The following CAMTA1 variants were observed in gnomAD, a reference collection of about 807,000 sequenced individuals.
CAMTA1 encodes the protein calmodulin binding transcription activator 1.
A neutral mutation model predicts 170.9 loss-of-function variants in CAMTA1; 27 were observed. The observed-to-expected ratio is 0.16, with a 90% CI of 0.12 to 0.22. CAMTA1 has a LOEUF of 0.22. Among genes scored for constraint, CAMTA1 ranks in the 10% least tolerant of loss-of-function variants. The pLI is 1.00. For missense variants in CAMTA1, 1,619 were observed against 2,217.2 expected (o/e 0.73, Z 5.42); for synonymous variants, 833 against 891.5 (o/e 0.93, Z 1.17).
chr1:7,572,375 T>G (rs980030054), intron 6 of CAMTA1, among the ~76,000 whole-genome samples: 2 of 152,262 alleles, frequency 1.3e-5, no homozygotes, highest in African/African-American at 4.8e-5. Context: ...TGGCTTTTGT[T>G]GCACTTGTTT....
intron 4 of CAMTA1, among the ~76,000 whole-genome samples, chr1:7,116,976 A>G (rs1644371900): frequency 7.2e-6 from 1 of 139,532 alleles, no homozygotes; most frequent in African/African-American, 2.7e-5. Context: ...AGAAATAACT[A>G]CTTTTTTTTT....
chr1:7,145,824 C>T (rs1041606317), intron 4 of CAMTA1, among the ~76,000 whole-genome samples: 1 of 152,206 alleles, frequency 6.6e-6, no homozygotes, highest in South Asian at 2.1e-4. Context: ...GGGGAAGAGG[C>T]TGCCCTTCAG....
chr1:6,918,513 G>T lies in CAMTA1; in HGVS notation c.234+93303G>T, dbSNP rs1040880882. On this transcript the variant is annotated intron_variant, in intron 3 of 22. Transcript: ENST00000303635. This position sits in a 1 kb window ranked among gnomAD's most constrained non-coding sequence, Gnocchi z 4.0. ...CTCCCAATTGCATATAAATGTCTCGGCTTTACTGTACTATTTGTGCTTGAG... is the reference window on the plus strand; with the variant it reads ...CTCCCAATTGCATATAAATGTCTCGTCTTTACTGTACTATTTGTGCTTGAG... Among the ~76,000 whole-genome samples, 1 of 152,204 alleles carries T rather than the reference G, an allele frequency of 6.6e-6. No homozygotes were observed. The highest frequency in any genetic ancestry group is 1.5e-5 in the Non-Finnish European group (1 of 68,030).
chr1:7,128,814 C>T (rs1418904959), intron 4 of CAMTA1, among the ~76,000 whole-genome samples: 4 of 149,070 alleles, frequency 2.7e-5, no homozygotes, highest in African/African-American at 9.9e-5. Context: ...GCCACCACAC[C>T]CGATTAGCTC....
chr1:6,841,867 G>T (rs1357093484), intron 3 of CAMTA1, among the ~76,000 whole-genome samples: 2 of 152,124 alleles, frequency 1.3e-5, no homozygotes, highest in Admixed American at 6.5e-5. Flanking sequence ...CTTGCGCCTG[G>T]GTCAGTGGAC....
chr1:7,517,667 C>G (rs569187894), intron 6 of CAMTA1, among the ~76,000 whole-genome samples: 1 of 151,940 alleles, frequency 6.6e-6, no homozygotes, highest in African/African-American at 2.4e-5. Context: ...CAGGGGCTGA[C>G]GGCTGGGGCT....
chr1:7,496,333 G>A (rs970117048), intron 6 of CAMTA1, among the ~76,000 whole-genome samples: 3 of 152,208 alleles, frequency 2.0e-5, no homozygotes, highest in Non-Finnish European at 4.4e-5. Flanking sequence ...GGGTATGGGC[G>A]TGGCCTGCAG....
intron 6 of CAMTA1, among the ~76,000 whole-genome samples, chr1:7,575,994 G>A (rs12063690): frequency 0.02 from 3,019 of 152,092 alleles, 80 homozygotes; most frequent in African/African-American, 0.068. Context: ...CTCAGCACTG[G>A]GGCTCAGTTT....
At chr1:6,953,761 C>CT (rs543939742) in intron 3 of CAMTA1, among the ~76,000 whole-genome samples, 4,446 of 146,012 alleles carry the variant, frequency 0.03, 104 homozygotes, top group African/African-American at 0.069. Flanking sequence ...CAATTTTTTT[C>CT]TTTTTTTTTT....
chr1:7,138,262 G>A (rs1645657015), intron 4 of CAMTA1, among the ~76,000 whole-genome samples: 1 of 152,184 alleles, frequency 6.6e-6, no homozygotes, highest in Non-Finnish European at 1.5e-5. Context: ...AAAGTGCTGG[G>A]ATTCTAGGTG....
At chr1:7,383,780 G>T (rs367973939) in intron 5 of CAMTA1, among the ~76,000 whole-genome samples, 1 of 152,178 alleles carries the variant, frequency 6.6e-6, no homozygotes, top group South Asian at 2.1e-4. Context: ...ATGATGAGGA[G>T]GAGGATGAGG....
At chr1:7,276,303 A>ATATATATATATATTTTTT in intron 5 of CAMTA1, among the ~76,000 whole-genome samples, 3 of 24,224 alleles carry the variant, frequency 1.2e-4, no homozygotes, top group African/African-American at 6.0e-4. Flanking sequence ...ATATATATAT[A>ATATATATATATATTTTTT]TTTTTTTTTT....
chr1:7,102,019 ACACAACACACACACACACACACACACAC>A (rs1335784305), intron 4 of CAMTA1, among the ~76,000 whole-genome samples: 2 of 135,432 alleles, frequency 1.5e-5, no homozygotes, highest in African/African-American at 2.8e-5. Context: ...ATGCATAAAT[ACACAACACACACACACACACACACACAC>A]ACACACACAC....
intron 5 of CAMTA1, among the ~76,000 whole-genome samples, chr1:7,342,824 C>T (rs1445916901): frequency 2.0e-5 from 3 of 152,172 alleles, no homozygotes; most frequent in Non-Finnish European, 2.9e-5. Flanking sequence ...GTCTGGCTGG[C>T]CAGTGGGCAA....
intron 6 of CAMTA1, among the ~76,000 whole-genome samples, chr1:7,497,563 G>C (rs1045594828): frequency 1.3e-5 from 2 of 152,208 alleles, no homozygotes; most frequent in African/African-American, 4.8e-5. Context: ...ACACGTTCCT[G>C]GTGAGATTCT....
chr1:7,547,941 T>C lies in CAMTA1; in HGVS notation c.510+80040T>C, dbSNP rs1176817628. ...TGTTGTAAGGAGGATTCTGAAGCCATCTCCAGGCTCAGGGGAAACAGTGAC... is the reference window on the plus strand; with the variant it reads ...TGTTGTAAGGAGGATTCTGAAGCCACCTCCAGGCTCAGGGGAAACAGTGAC... On this transcript the variant is annotated intron_variant, in intron 6 of 22. Coordinates refer to ENST00000303635, the MANE Select transcript of CAMTA1 (RefSeq NM_015215.4). The surrounding 1 kb of genome is among the most constrained non-coding windows in gnomAD (Gnocchi z 5.7). 1.3e-5 allele frequency among the ~76,000 whole-genome samples: 2 copies of C among 152,074 alleles called. No individual in the cohort carries two copies. Among genetic ancestry groups the C allele is most frequent in the Non-Finnish European group, 2.9e-5 (2 of 68,002 alleles).
chr1:7,603,765 T>G (rs923253673), intron 6 of CAMTA1, among the ~76,000 whole-genome samples: 1 of 152,188 alleles, frequency 6.6e-6, no homozygotes, highest in Non-Finnish European at 1.5e-5. Context: ...TTGATGCAGT[T>G]TCTTCCTAGC....
At chr1:6,951,738 C>A (rs1177375047) in intron 3 of CAMTA1, among the ~76,000 whole-genome samples, 2 of 152,158 alleles carry the variant, frequency 1.3e-5, no homozygotes, top group African/African-American at 4.8e-5. Context: ...CCTTCCTGGG[C>A]CCTGTCCGAG....
intron 7 of CAMTA1, among the ~76,000 whole-genome samples, chr1:7,645,934 T>TG (rs1227427151): frequency 6.6e-6 from 1 of 152,212 alleles, no homozygotes. Context: ...CTCACCTCCA[T>TG]GGCAGGTGGT....
Sources: allele counts gnomAD v4.1 joint callset (sites outside exome capture counted in the v4.1 genomes callset), GRCh38; gene constraint gnomAD v4.1.1; non-coding constraint Gnocchi (gnomAD v3.1); transcripts MANE v1.5; gene names NCBI Gene and HGNC (gene_info 2026-07-23, HGNC 2026-07-21).